The following RAP1GDS1 variants were observed in gnomAD, a reference collection of about 807,000 sequenced individuals.
RAP1GDS1 encodes RAP1, GTP-GDP dissociation stimulator 1.
Under a neutral mutation model 71.1 loss-of-function variants are expected in RAP1GDS1, and 35 were observed. The ratio of observed to expected loss-of-function variants is 0.49; its 90% CI spans 0.38 to 0.65. The LOEUF is 0.65. RAP1GDS1 is among the 30% of genes least tolerant of loss of function. RAP1GDS1 has a pLI of 0.00. For synonymous variants in RAP1GDS1, 229 were observed against 243.1 expected, an observed-to-expected ratio of 0.94 and a Z score of 0.54; for missense variants, 663 against 706.1, an observed-to-expected ratio of 0.94 and a Z score of 0.69.
At chr4:98,299,760 G>A (rs1284001904) in intron 2 of RAP1GDS1, among the ~76,000 whole-genome samples, 2 of 151,394 alleles carry the variant, frequency 1.3e-5, no homozygotes, top group African/African-American at 2.4e-5. Context: ...TCAGCCTCCC[G>A]AGCAGCTGGG....
chr4:98,346,156 A>G (rs1736216317), intron 3 of RAP1GDS1, among the ~76,000 whole-genome samples: 1 of 152,208 alleles, frequency 6.6e-6, no homozygotes, highest in Non-Finnish European at 1.5e-5. Context: ...ACCACGTTTC[A>G]GTATAAAGCA....
Position 98,421,268 on chromosome 4 carries a change from A to C in RAP1GDS1, c.1314A>C (p.Glu438Asp). ...TCTTTCCTATAGCAGAAGCTGCTGA[A>C]CAATTGGGAAAGAATGTTAAGTTAG... is the stretch of plus-strand genomic sequence containing the variant. ...MLIDAQAEAAEQLGKNVKLVE... is the reference protein window; with the variant it reads ...MLIDAQAEAADQLGKNVKLVE... The change falls in exon 12 of 15, where the codon GAA (glutamate) becomes GAC (aspartate). Residue 438 changes from glutamate (E) to aspartate (D), a missense_variant. Glu to Asp is a conservative substitution (Grantham distance 45). Transcript: ENST00000408927. 6.2e-7 allele frequency: 1 copy of C among 1,608,490 alleles called. No homozygotes were observed. The highest frequency in any genetic ancestry group is 8.5e-7 in the Non-Finnish European group (1 of 1,176,778).
At chr4:98,279,040 G>A (rs986202964) in intron 1 of RAP1GDS1, among the ~76,000 whole-genome samples, 5 of 152,146 alleles carry the variant, frequency 3.3e-5, no homozygotes, top group African/African-American at 1.2e-4. Flanking sequence ...GGCTGACATA[G>A]TGAAACCCCG....
chr4:98,383,935 G>A (rs975160097), intron 5 of RAP1GDS1, among the ~76,000 whole-genome samples: 2 of 151,458 alleles, frequency 1.3e-5, no homozygotes, highest in Non-Finnish European at 3.0e-5. Context: ...CTTCACATGA[G>A]TGAAGAACTA....
chr4:98,310,117 A>C (rs1362575220), intron 2 of RAP1GDS1, among the ~76,000 whole-genome samples: 1 of 152,086 alleles, frequency 6.6e-6, no homozygotes, highest in Non-Finnish European at 1.5e-5. Context: ...CATTTTATAC[A>C]GTTATATCAT....
chr4:98,435,510 A>G (rs1751008104), intron 13 of RAP1GDS1, among the ~76,000 whole-genome samples: 1 of 152,174 alleles, frequency 6.6e-6, no homozygotes, highest in Non-Finnish European at 1.5e-5. Flanking sequence ...AAGGTCTTGA[A>G]TCCTTGTCTT....
chr4:98,290,931 G>A (rs1348467329), intron 1 of RAP1GDS1, among the ~76,000 whole-genome samples: 2 of 152,050 alleles, frequency 1.3e-5, no homozygotes, highest in Admixed American at 6.6e-5. Flanking sequence ...TGCACAACTG[G>A]GGTCACACTA....
At position 98,341,314 on chromosome 4, in the gene RAP1GDS1, G is replaced by A. The variant is rs115816891; in HGVS notation, c.113-1825G>A. Among the ~76,000 whole-genome samples the A allele has an allele frequency of 5.0e-3, 758 of 152,280 alleles. 5 individuals are homozygous for A. Among genetic ancestry groups the A allele is most frequent in the African/African-American group, 0.017 (692 of 41,572 alleles). ...TACTATTTTCAAATTCTGGATTCCTGTTTAGTACAGCTATTCTCCCAGTTC... is the reference window on the plus strand; with the variant it reads ...TACTATTTTCAAATTCTGGATTCCTATTTAGTACAGCTATTCTCCCAGTTC... On this transcript the variant is annotated intron_variant, in intron 2 of 14. Coordinates refer to ENST00000408927, the MANE Select transcript of RAP1GDS1 (RefSeq NM_001100427.2).
intron 2 of RAP1GDS1, among the ~76,000 whole-genome samples, chr4:98,302,841 T>G (rs1728762247): frequency 6.6e-6 from 1 of 151,800 alleles, no homozygotes; most frequent in Non-Finnish European, 1.5e-5. Context: ...AGGTCAGGAG[T>G]TGGAGACCAG....
At chr4:98,431,612 G>T (rs1750417224) in intron 12 of RAP1GDS1, among the ~76,000 whole-genome samples, 3 of 152,148 alleles carry the variant, frequency 2.0e-5, no homozygotes, top group Admixed American at 2.0e-4. Flanking sequence ...TTTAGCCTTG[G>T]CTTTACCACT....
intron 2 of RAP1GDS1, among the ~76,000 whole-genome samples, chr4:98,328,486 C>T (rs1440765425): frequency 1.3e-5 from 2 of 152,160 alleles, no homozygotes; most frequent in Non-Finnish European, 2.9e-5. Context: ...CCGTGTGATT[C>T]GTACATCAGG....
intron 5 of RAP1GDS1, 104 bp downstream of exon 5, chr4:98,379,267 C>T (rs889527036): frequency 3.5e-5 from 39 of 1,110,202 alleles, no homozygotes; most frequent in Non-Finnish European, 4.5e-5. Context: ...ACAAAGAATT[C>T]GTAAGTGGCA....
In RAP1GDS1 at chr4:98,261,424, G is replaced by A; in HGVS notation, c.-142G>A. The A allele has an allele frequency of 1.6e-6, 1 of 607,292 alleles. No homozygotes were observed. Among genetic ancestry groups the A allele is most frequent in the Non-Finnish European group, 2.3e-6 (1 of 427,228 alleles). 37.6% of individuals were successfully genotyped at this position (607,292 alleles called of 1,614,324 possible). A position where few individuals can be genotyped will look rare whatever the true frequency, so the allele number is the denominator to read the frequency against. ...GGCCGCGCCGCCTGCAGCAGCACCA[G>A]CTGCTCCTCCCCGGCGGCCGCCCCC... On this transcript the variant is annotated 5_prime_UTR_variant, in exon 1 of 15. Transcript: ENST00000408927.
intron 5 of RAP1GDS1, among the ~76,000 whole-genome samples, chr4:98,385,373 C>G (rs1742593739): frequency 6.6e-6 from 1 of 151,634 alleles, no homozygotes; most frequent in Admixed American, 6.6e-5. Flanking sequence ...ATTGATCATG[C>G]ACAAATTTTT....
intron 3 of RAP1GDS1, among the ~76,000 whole-genome samples, chr4:98,344,246 TTA>T (rs1363627072): frequency 6.6e-6 from 1 of 152,206 alleles, no homozygotes; most frequent in African/African-American, 2.4e-5. Context: ...CTTATCACTC[TTA>T]TATGTCACAT....
At chr4:98,388,924 A>G (rs1382900247) in intron 5 of RAP1GDS1, among the ~76,000 whole-genome samples, 1 of 152,142 alleles carries the variant, frequency 6.6e-6, no homozygotes, top group Non-Finnish European at 1.5e-5. Context: ...ATTTTAAAAT[A>G]AGAAACCTAT....
chr4:98,360,810 G>A (rs571600759), intron 4 of RAP1GDS1, among the ~76,000 whole-genome samples: 4 of 152,152 alleles, frequency 2.6e-5, no homozygotes, highest in South Asian at 2.1e-4. Context: ...AGTGGCTCAC[G>A]CTTGTAATCC....
intron 4 of RAP1GDS1, among the ~76,000 whole-genome samples, chr4:98,362,679 A>G (rs572919488): frequency 2.0e-4 from 31 of 152,312 alleles, no homozygotes; most frequent in Non-Finnish European, 4.1e-4. Flanking sequence ...CCTGACTTCT[A>G]ATCTCTTTGA....
intron 5 of RAP1GDS1, chr4:98,387,540 C>A (rs1742951744): frequency 2.2e-6 from 1 of 448,724 alleles, no homozygotes. Flanking sequence ...GCGTTGATTG[C>A]CTTATATCTC....
Sources: gnomAD v4.1 joint callset for allele counts (sites outside exome capture counted in the v4.1 genomes callset) on GRCh38, gnomAD v4.1.1 for gene constraint, MANE v1.5 for transcripts, NCBI Gene and HGNC (gene_info 2026-07-23, HGNC 2026-07-21) for gene names.